Variants in PREP observed in about 807,000 individuals in gnomAD.
The protein encoded by PREP is dJ355L5.1 (prolyl endopeptidase).
In PREP, 29 loss-of-function variants were observed where a neutral mutation model predicts 87.6. The ratio of observed to expected loss-of-function variants is 0.33; its 90% confidence interval spans 0.25 to 0.45. The LOEUF (loss-of-function observed/expected upper bound fraction) is 0.45. PREP is among the 20% of genes least tolerant of loss of function. PREP has a pLI of 1.00. For synonymous variants in PREP, 337 were observed against 328.6 expected, an observed-to-expected ratio of 1.03 and a Z score of -0.28; for missense variants, 695 against 886.5, an observed-to-expected ratio of 0.78 and a Z score of 2.74.
chr6:105,306,684 T>C (rs1186771595), intron 10 of PREP, among the ~76,000 whole-genome samples: 1 of 152,170 alleles, frequency 6.6e-6, no homozygotes, highest in African/African-American at 2.4e-5. Context: ...ACTGTGGTCC[T>C]CTTCTCCCAC....
intron 14 of PREP, among the ~76,000 whole-genome samples, chr6:105,280,151 C>T (rs147063760): frequency 2.6e-5 from 4 of 152,252 alleles, no homozygotes; most frequent in Non-Finnish European, 5.9e-5. Flanking sequence ...AGAAACTTGG[C>T]CGTGTGCGGT....
intron 10 of PREP, among the ~76,000 whole-genome samples, chr6:105,293,842 T>C (rs1770351502): frequency 6.6e-6 from 1 of 152,206 alleles, no homozygotes; most frequent in Admixed American, 6.5e-5. Flanking sequence ...GGAATCCATG[T>C]AGACATTTTC....
chr6:105,328,090 T>C (rs1387685997), intron 9 of PREP, among the ~76,000 whole-genome samples: 2 of 152,212 alleles, frequency 1.3e-5, no homozygotes, highest in Non-Finnish European at 2.9e-5. Context: ...TGTAAGACTA[T>C]ACTTTTAGAA....
At chr6:105,328,808 C>T in intron 9 of PREP, 21 bp downstream of exon 9, 1 of 1,611,246 alleles carries the variant, frequency 6.2e-7, no homozygotes, top group Non-Finnish European at 8.5e-7. Context: ...AAGTGAACAG[C>T]AACAGTGAAA....
chr6:105,338,519 C>T (rs1771537826), intron 7 of PREP, among the ~76,000 whole-genome samples: 3 of 152,318 alleles, frequency 2.0e-5, no homozygotes, highest in Admixed American at 6.5e-5. Context: ...ACTGAAGTAC[C>T]GGTTCATCTC....
chr6:105,302,575 C>A, intron 10 of PREP: 1 of 398,560 alleles, frequency 2.5e-6, no homozygotes, highest in Non-Finnish European at 4.9e-6. Context: ...TCTCAGGCCG[C>A]AGGTCCAGGG....
In PREP at chr6:105,386,561, G is replaced by A. The variant is rs908198273; in HGVS notation, c.121-9042C>T. Among the ~76,000 whole-genome samples, 3 of 152,070 alleles carry A rather than the reference G, an allele frequency of 2.0e-5. No individual in the cohort carries two copies. The South Asian group carries it at 6.2e-4, about 32-fold the overall frequency. ...TGATTTCCCCCAATGAAAAAAATTG[G>A]AACCATTAACACTAATTTACAAAGA... On this transcript the variant is annotated intron_variant, in intron 2 of 14. Transcript: ENST00000652536.
In PREP at chr6:105,344,266, C is replaced by T. The variant is rs187209633; in HGVS notation, c.823+8706G>A. On this transcript the variant is annotated intron_variant, in intron 7 of 14. Transcript: ENST00000652536. ...AGCACTTTGGGGAGGCCGAGGCAGG[C>T]GGATCATGAGGTCAGGAGATCGAGA... Among the ~76,000 whole-genome samples the T allele has an allele frequency of 7.2e-3, 1,102 of 152,112 alleles. 8 individuals are homozygous for T. The highest frequency in any genetic ancestry group is 0.012 in the Non-Finnish European group (821 of 67,968).
chr6:105,343,977 T>C (rs1461546570), intron 7 of PREP, among the ~76,000 whole-genome samples: 2 of 152,214 alleles, frequency 1.3e-5, no homozygotes, highest in Non-Finnish European at 2.9e-5. Context: ...TCCTCAAGGA[T>C]CTGGAACTAG....
intron 8 of PREP, among the ~76,000 whole-genome samples, chr6:105,332,680 C>T (rs150237651): frequency 1.4e-4 from 21 of 152,242 alleles, no homozygotes; most frequent in African/African-American, 4.6e-4. Context: ...TCAAAATCAA[C>T]TTTCATGCAA....
chr6:105,303,118 T>C (rs536203110), intron 10 of PREP, among the ~76,000 whole-genome samples: 1 of 122,616 alleles, frequency 8.2e-6, no homozygotes, highest in African/African-American at 3.4e-5. Flanking sequence ...AGTCCATGTA[T>C]GTATGTATGT....
intron 12 of PREP, among the ~76,000 whole-genome samples, chr6:105,282,870 T>A (rs7746259): frequency 0.023 from 3,552 of 152,222 alleles, 94 homozygotes; most frequent in African/African-American, 0.065. Context: ...TTATGAGAGA[T>A]GTATGATAAT....
chr6:105,284,485 A>G (rs1252049704), intron 12 of PREP, among the ~76,000 whole-genome samples: 14 of 152,248 alleles, frequency 9.2e-5, no homozygotes, highest in Non-Finnish European at 2.1e-4. Flanking sequence ...CATGGGAAAC[A>G]GAAGAGAGGT....
chr6:105,351,111 A>G (rs1039437607), intron 7 of PREP, among the ~76,000 whole-genome samples: 1 of 152,218 alleles, frequency 6.6e-6, no homozygotes, highest in Non-Finnish European at 1.5e-5. Flanking sequence ...CTAGGCTAGT[A>G]TGCCTCGTTA....
chr6:105,283,101 A>G (rs1770117670), intron 12 of PREP, among the ~76,000 whole-genome samples: 1 of 152,202 alleles, frequency 6.6e-6, no homozygotes, highest in Non-Finnish European at 1.5e-5. Flanking sequence ...GGAGTCTGAC[A>G]TGGTCGGTGA....
intron 10 of PREP, among the ~76,000 whole-genome samples, chr6:105,311,868 T>C (rs568591246): frequency 6.6e-6 from 1 of 152,324 alleles, no homozygotes; most frequent in African/African-American, 2.4e-5. Context: ...ACAGGTGAGC[T>C]TTAGGAATCC....
At chr6:105,329,764 C>T (rs931926193) in intron 8 of PREP, among the ~76,000 whole-genome samples, 1 of 152,178 alleles carries the variant, frequency 6.6e-6, no homozygotes, top group Non-Finnish European at 1.5e-5. Flanking sequence ...AAGATGAGGT[C>T]GATTCTGCTC....
Position 105,363,114 on chromosome 6 carries a change from G to T in PREP, c.717+5789C>A, listed in dbSNP as rs181190162. Among the ~76,000 whole-genome samples the T allele has an allele frequency of 2.6e-4, 39 of 152,124 alleles. No individual in the cohort carries two copies. The East Asian group carries it at 5.4e-3, about 21-fold the overall frequency. On this transcript the variant is annotated intron_variant, in intron 6 of 14. Transcript: ENST00000652536. ...AGGTGAACATATAAAAATGGCTTAT[G>T]GAGACACAACAGATACTAAGATTCA...
At position 105,273,933 on chromosome 6, in the gene PREP, G is replaced by A. The variant is rs1022889193; in HGVS notation, c.*4211C>T. ...CCTCATTCCGTTCGGGTCTTTGTCC[G>A]AATGTTGCTTCCTGAAAGAGGCACC... is the stretch of plus-strand genomic sequence containing the variant. On this transcript the variant is annotated 3_prime_UTR_variant, in exon 15 of 15. Transcript: ENST00000652536. 8.5e-5 allele frequency among the ~76,000 whole-genome samples: 13 copies of A among 152,118 alleles called. No individual in the cohort carries two copies. The highest frequency in any genetic ancestry group is 1.8e-4 in the Non-Finnish European group (12 of 68,034).
Sources: gnomAD v4.1 joint callset for allele counts (sites outside exome capture counted in the v4.1 genomes callset) on GRCh38, gnomAD v4.1.1 for gene constraint, MANE v1.5 for transcripts, NCBI Gene and HGNC (gene_info 2026-07-23, HGNC 2026-07-21) for gene names.